Variants in CHODL observed in about 807,000 individuals in gnomAD.
CHODL encodes the protein chondrolectin.
A neutral mutation model predicts 34.5 loss-of-function variants in CHODL; 29 were observed. The ratio of observed to expected loss-of-function variants is 0.84; its 90% CI spans 0.63 to 1.15. The LOEUF (loss-of-function observed/expected upper bound fraction) is 1.15, where lower values mean the gene tolerates loss of function less well. CHODL is among the 50% of genes most tolerant of loss of function. The pLI is 0.00. For missense variants in CHODL, 332 were observed against 332.5 expected (o/e 1.00, Z 0.01); for synonymous variants, 125 against 116.1 (o/e 1.08, Z -0.49).
At chr21:17,922,916 G>A (rs1490321122) in intron 1 of CHODL, among the ~76,000 whole-genome samples, 1 of 152,100 alleles carries the variant, frequency 6.6e-6, no homozygotes, top group Non-Finnish European at 1.5e-5. Flanking sequence ...AGGGAGACGG[G>A]AGACATCAGT....
chr21:18,031,009 A>G (rs745394205), intron 2 of CHODL, among the ~76,000 whole-genome samples: 1 of 152,186 alleles, frequency 6.6e-6, no homozygotes, highest in Non-Finnish European at 1.5e-5. Flanking sequence ...GTTTGAAGCC[A>G]TAGGGCTGAG....
At chr21:18,063,297 G>C (rs1008337392) in intron 2 of CHODL, among the ~76,000 whole-genome samples, 1 of 152,174 alleles carries the variant, frequency 6.6e-6, no homozygotes, top group African/African-American at 2.4e-5. Context: ...ATGCTGGAAG[G>C]TTGTGTCAAT....
chr21:18,026,555 C>A (rs1278485292), intron 1 of CHODL, among the ~76,000 whole-genome samples: 1 of 152,148 alleles, frequency 6.6e-6, no homozygotes, highest in Non-Finnish European at 1.5e-5. Context: ...TAATTGATGG[C>A]ATATGGAACA....
intron 1 of CHODL, among the ~76,000 whole-genome samples, chr21:17,970,049 T>G (rs2063602075): frequency 6.6e-6 from 1 of 152,184 alleles, no homozygotes; most frequent in East Asian, 1.9e-4. Context: ...GTGCAGCTTC[T>G]CTATTGGATC....
intron 2 of CHODL, among the ~76,000 whole-genome samples, chr21:18,099,400 A>T (rs2065183128): frequency 6.6e-6 from 1 of 151,612 alleles, no homozygotes; most frequent in African/African-American, 2.4e-5. Context: ...AAAAAAATTT[A>T]AAAATAATAA....
chr21:18,109,189 T>C (rs1032433120), intron 2 of CHODL, among the ~76,000 whole-genome samples: 1 of 152,186 alleles, frequency 6.6e-6, no homozygotes, highest in African/African-American at 2.4e-5. Flanking sequence ...TATTTTTCTT[T>C]TTCATGAAAA....
chr21:17,951,400 G>A (rs953174473), intron 1 of CHODL, among the ~76,000 whole-genome samples: 3 of 152,166 alleles, frequency 2.0e-5, no homozygotes, highest in Admixed American at 2.0e-4. Flanking sequence ...CGTAAGGACA[G>A]AGCGTCATCA....
At chr21:17,924,879 C>T (rs912952784) in intron 1 of CHODL, among the ~76,000 whole-genome samples, 7 of 152,178 alleles carry the variant, frequency 4.6e-5, no homozygotes, top group African/African-American at 1.7e-4. Context: ...TTGTCCTTAT[C>T]TGGCTCTGTT....
intron 2 of CHODL, among the ~76,000 whole-genome samples, chr21:18,203,963 T>C (rs992830312): frequency 4.6e-5 from 7 of 152,162 alleles, no homozygotes; most frequent in Admixed American, 4.6e-4. Flanking sequence ...AAACAACTGA[T>C]ACAAATCTTC....
At chr21:17,935,758 T>C (rs1340352118) in intron 1 of CHODL, among the ~76,000 whole-genome samples, 2 of 152,046 alleles carry the variant, frequency 1.3e-5, no homozygotes, top group Non-Finnish European at 2.9e-5. Flanking sequence ...GGAGAGAGAT[T>C]TGGAATATAT....
chr21:17,953,665 A>G (rs557919893), intron 1 of CHODL, among the ~76,000 whole-genome samples: 26 of 146,764 alleles, frequency 1.8e-4, no homozygotes, highest in African/African-American at 6.3e-4. Flanking sequence ...ATCTGAAATT[A>G]TAATATAGAG....
chr21:18,048,422 G>A (rs2064471852), intron 2 of CHODL, among the ~76,000 whole-genome samples: 2 of 151,874 alleles, frequency 1.3e-5, no homozygotes, highest in African/African-American at 2.4e-5. Flanking sequence ...CATGGTTGGA[G>A]GAACTAGGTG....
At chr21:18,073,138 G>A (rs2064825354) in intron 2 of CHODL, among the ~76,000 whole-genome samples, 1 of 152,086 alleles carries the variant, frequency 6.6e-6, no homozygotes, top group Non-Finnish European at 1.5e-5. Flanking sequence ...AGTGGGTGTT[G>A]ATAATGAAGT....
chr21:18,086,934 T>C (rs1600984643), intron 2 of CHODL, among the ~76,000 whole-genome samples: 2 of 152,286 alleles, frequency 1.3e-5, no homozygotes, highest in East Asian at 3.9e-4. Flanking sequence ...GTGATTGCAG[T>C]GGCAGTGGTT....
At position 18,171,114 on chromosome 21, in the gene CHODL, GT is replaced by G. The variant is rs199767934; in HGVS notation, c.-44-85384del. Among the ~76,000 whole-genome samples the G allele has an allele frequency of 1.4e-3, 188 of 131,282 alleles. 1 individual carries two copies. The highest frequency in any genetic ancestry group is 5.0e-3 in the African/African-American group (176 of 35,498). The allele number at this position is 131,282 out of a possible 152,430, so 86.1% of individuals were successfully genotyped here. A position where few individuals can be genotyped will look rare whatever the true frequency, so the allele number is the denominator to read the frequency against. On this transcript the variant is annotated intron_variant, in intron 2 of 6. Transcript: ENST00000400127. ...TTGGTAATTTATAACTCCAGAATTT[GT>G]TTTTTTTTTTAATTGATAGTCTGTT...
intron 1 of CHODL, among the ~76,000 whole-genome samples, chr21:17,968,922 A>G (rs1357878607): frequency 6.6e-6 from 1 of 152,204 alleles, no homozygotes; most frequent in Non-Finnish European, 1.5e-5. Context: ...TTCTTTATGC[A>G]ACAGAGTTAG....
In CHODL at chr21:18,200,600, C is replaced by T. The variant is rs534012119; in HGVS notation, c.-44-55909C>T. Among the ~76,000 whole-genome samples, 13 of 152,204 alleles carry T rather than the reference C, an allele frequency of 8.5e-5. No individual in the cohort carries two copies. In the South Asian group the frequency reaches 2.7e-3, roughly 32 times the overall value. On this transcript the variant is annotated intron_variant, in intron 2 of 6. Coordinates refer to the CHODL transcript ENST00000400127. ...ATACATTTGATACATTTCACAAAAC[C>T]TTAACAATTCTTAGAATGGAAAAAA...
chr21:18,120,336 C>G (rs546740197), intron 2 of CHODL, among the ~76,000 whole-genome samples: 1 of 152,224 alleles, frequency 6.6e-6, no homozygotes, highest in South Asian at 2.1e-4. Context: ...TCGAGTTGAA[C>G]TGGGAAATTA....
chr21:18,006,162 T>C (rs1371828612), intron 1 of CHODL, among the ~76,000 whole-genome samples: 2 of 152,164 alleles, frequency 1.3e-5, no homozygotes, highest in South Asian at 2.1e-4. Flanking sequence ...CCCAGCCACG[T>C]TGAACTGTGA....
Sources: allele counts gnomAD v4.1 joint callset (sites outside exome capture counted in the v4.1 genomes callset), GRCh38; gene constraint gnomAD v4.1.1; transcripts MANE v1.5; gene names NCBI Gene and HGNC (gene_info 2026-07-23, HGNC 2026-07-21).